The following VPS35L variants were observed in gnomAD, a reference collection of about 807,000 sequenced individuals.
VPS35L encodes the protein VPS35 endosomal protein sorting factor like, also known as VPS35 endosomal protein-sorting factor-like.
Under a neutral mutation model 133.0 loss-of-function variants are expected in VPS35L, and 83 were observed. The observed-to-expected ratio is 0.62, with a 90% CI of 0.52 to 0.75. VPS35L has a LOEUF of 0.75. Ranked by LOEUF, VPS35L falls within the 30% of genes least tolerant of loss-of-function variation. The probability of loss-of-function intolerance (pLI) is 0.00; values close to 1 mark genes in which losing one functional copy is unlikely to be tolerated. For synonymous variants in VPS35L, 423 were observed against 449.9 expected (o/e 0.94, Z 0.76); for missense variants, 1,083 against 1,206.8 (o/e 0.90, Z 1.52).
At chr16:19,570,159 G>T (rs1378594222) in intron 3 of VPS35L, among the ~76,000 whole-genome samples, 1 of 152,056 alleles carries the variant, frequency 6.6e-6, no homozygotes, top group East Asian at 1.9e-4. Context: ...TCCGACTCCG[G>T]GTTCAAGCAA....
chr16:19,663,544 C>T (rs577966621), intron 26 of VPS35L, among the ~76,000 whole-genome samples: 15 of 150,332 alleles, frequency 1.0e-4, no homozygotes, highest in South Asian at 2.1e-4. Context: ...CACCCTCCCC[C>T]CCGATTTTTT....
intron 6 of VPS35L, among the ~76,000 whole-genome samples, chr16:19,580,390 A>C (rs1971672678): frequency 6.6e-6 from 1 of 151,880 alleles, no homozygotes; most frequent in African/African-American, 2.4e-5. Flanking sequence ...GGGATTACAG[A>C]TGTGAGCCAC....
intron 27 of VPS35L, among the ~76,000 whole-genome samples, chr16:19,678,298 A>T (rs1313303503): frequency 6.6e-6 from 1 of 151,930 alleles, no homozygotes; most frequent in African/African-American, 2.4e-5. Flanking sequence ...GCCAGGTGCT[A>T]CCTGGGAGCC....
chr16:19,669,410 G>A, intron 27 of VPS35L, 111 bp downstream of exon 27: 1 of 1,318,188 alleles, frequency 7.6e-7, no homozygotes, highest in Non-Finnish European at 1.0e-6. Flanking sequence ...GTATCTTTGT[G>A]TTGGTTTTCC....
chr16:19,635,585 A>T (rs1973599220), intron 19 of VPS35L, among the ~76,000 whole-genome samples: 1 of 152,216 alleles, frequency 6.6e-6, no homozygotes, highest in African/African-American at 2.4e-5. Flanking sequence ...TGGGTGATAG[A>T]TGAGATCAAA....
chr16:19,663,421 G>A (rs920031649), intron 26 of VPS35L, among the ~76,000 whole-genome samples: 1 of 152,076 alleles, frequency 6.6e-6, no homozygotes, highest in African/African-American at 2.4e-5. Flanking sequence ...TATCTTGCCT[G>A]ACCTTTCTAT....
At chr16:19,652,234 T>A in intron 26 of VPS35L, 144 bp downstream of exon 26, 1 of 647,324 alleles carries the variant, frequency 1.5e-6, no homozygotes, top group Non-Finnish European at 2.7e-6. Flanking sequence ...TGGAATGTAG[T>A]AGTGCAATCA....
chr16:19,693,514 C>T (rs927563283), intron 29 of VPS35L, among the ~76,000 whole-genome samples: 2 of 152,108 alleles, frequency 1.3e-5, no homozygotes, highest in Non-Finnish European at 2.9e-5. Context: ...GGTACGGTGA[C>T]TCACGCCTGT....
At chr16:19,662,673 C>A (rs541904201) in intron 26 of VPS35L, among the ~76,000 whole-genome samples, 1 of 152,312 alleles carries the variant, frequency 6.6e-6, no homozygotes, top group Non-Finnish European at 1.5e-5. Context: ...CCCCCACATT[C>A]ACTTACTATT....
chr16:19,624,723 G>A (rs1267246452), intron 14 of VPS35L, among the ~76,000 whole-genome samples: 1 of 152,164 alleles, frequency 6.6e-6, no homozygotes, highest in East Asian at 1.9e-4. Flanking sequence ...TGGGATTACA[G>A]GCATGAGCCA....
At chr16:19,615,041 T>C (rs1331060930) in intron 12 of VPS35L, among the ~76,000 whole-genome samples, 1 of 152,204 alleles carries the variant, frequency 6.6e-6, no homozygotes, top group Admixed American at 6.5e-5. Context: ...AAGAATGAAT[T>C]TGTATAGCTT....
chr16:19,687,742 T>G (rs1975513056), intron 28 of VPS35L, among the ~76,000 whole-genome samples: 1 of 152,146 alleles, frequency 6.6e-6, no homozygotes, highest in South Asian at 2.1e-4. Flanking sequence ...TATGTGTGTC[T>G]GTCCATCCTT....
chr16:19,621,994 G>A lies in VPS35L; in HGVS notation c.1225-4183G>A, dbSNP rs578201334. ...TGTATGTGTGCATGTGTGTGTGCAC[G>A]TGCATGCATATGAGATACAGTAAAC... On this transcript the variant is annotated intron_variant, in intron 14 of 30. Transcript: ENST00000417362. Among the ~76,000 whole-genome samples the A allele has an allele frequency of 3.4e-4, 51 of 152,052 alleles. No individual in the cohort carries two copies. In the South Asian group the frequency reaches 1.0e-2, roughly 30 times the overall value.
At chr16:19,573,812 CA>C (rs915111754) in intron 4 of VPS35L, among the ~76,000 whole-genome samples, 1 of 151,342 alleles carries the variant, frequency 6.6e-6, no homozygotes, top group Non-Finnish European at 1.5e-5. Context: ...GACCCTATCT[CA>C]AAAAAAATTA....
intron 8 of VPS35L, among the ~76,000 whole-genome samples, chr16:19,593,894 G>A (rs936506673): frequency 2.6e-5 from 4 of 151,190 alleles, no homozygotes; most frequent in African/African-American, 9.7e-5. Context: ...TCCAGCCTGG[G>A]CGACAGGGCG....
intron 9 of VPS35L, among the ~76,000 whole-genome samples, chr16:19,603,969 T>C (rs913898973): frequency 5.3e-5 from 8 of 151,980 alleles, no homozygotes; most frequent in Non-Finnish European, 8.8e-5. Context: ...TGACCTCAGG[T>C]GATCCACCCA....
chr16:19,573,235 G>A lies in VPS35L; in HGVS notation c.402G>A (p.Leu134=), dbSNP rs34128516. 5,219 of 1,613,562 alleles carry A rather than the reference G, an allele frequency of 3.2e-3. 174 individuals are homozygous for A. The African/African-American group carries it at 0.063, about 20-fold the overall frequency. Residue 134 remains leucine (L), a synonymous_variant, in exon 4 of 31, where the codon CTG becomes CTA. Transcript: ENST00000417362. ...CCCGGTACACCACTACCGAAAAGCTGTCTATTGTGAGTACCAGGAGACCCT... is the reference window on the plus strand; with the variant it reads ...CCCGGTACACCACTACCGAAAAGCTATCTATTGTGAGTACCAGGAGACCCT... ...ILARYTTTEK[L]SINLFMGSEK...
At chr16:19,663,379 C>T (rs1233422248) in intron 26 of VPS35L, among the ~76,000 whole-genome samples, 1 of 152,116 alleles carries the variant, frequency 6.6e-6, no homozygotes, top group Non-Finnish European at 1.5e-5. Context: ...CCTCATCCAC[C>T]ACTCCAATAT....
intron 19 of VPS35L, among the ~76,000 whole-genome samples, chr16:19,636,295 G>A (rs1973621490): frequency 6.6e-6 from 1 of 152,162 alleles, no homozygotes; most frequent in Non-Finnish European, 1.5e-5. Context: ...GTATTAAATT[G>A]CTGGCTTTTG....
Sources: allele counts gnomAD v4.1 joint callset (sites outside exome capture counted in the v4.1 genomes callset), GRCh38; gene constraint gnomAD v4.1.1; transcripts MANE v1.5; gene names NCBI Gene and HGNC (gene_info 2026-07-23, HGNC 2026-07-21).